The following RBFOX1 variants were observed in gnomAD, a reference collection of about 807,000 sequenced individuals.
RBFOX1 encodes the protein RNA binding protein fox-1 homolog 1.
RBFOX1 carries 8 observed loss-of-function variants against 57.7 expected under a neutral mutation model. That is an observed-to-expected ratio of 0.14 (90% CI 0.08 to 0.25). The LOEUF (loss-of-function observed/expected upper bound fraction) is 0.25. Among genes scored for constraint, RBFOX1 ranks in the 10% least tolerant of loss-of-function variants. The pLI is 1.00. For synonymous variants in RBFOX1, 326 were observed against 222.4 expected (o/e 1.47, Z -4.15); for missense variants, 611 against 548.5 (o/e 1.11, Z -1.14).
At chr16:7,305,828 T>C (rs2096169126) in intron 4 of RBFOX1, among the ~76,000 whole-genome samples, 4 of 152,226 alleles carry the variant, frequency 2.6e-5, no homozygotes, top group Admixed American at 2.0e-4. Flanking sequence ...ACGTTCATTA[T>C]TGAGTAAATC....
intron 4 of RBFOX1, among the ~76,000 whole-genome samples, chr16:7,313,014 T>C (rs1433074766): frequency 6.6e-6 from 1 of 152,074 alleles, no homozygotes; most frequent in Non-Finnish European, 1.5e-5. Context: ...TTTCATGCCC[T>C]GGATCTGTTG....
At chr16:6,271,879 C>A (rs1345456392) in intron 1 of RBFOX1, among the ~76,000 whole-genome samples, 1 of 152,040 alleles carries the variant, frequency 6.6e-6, no homozygotes, top group Non-Finnish European at 1.5e-5. Context: ...TAGAATGAAG[C>A]ATTAACACCA....
chr16:6,548,046 T>C lies in RBFOX1; in HGVS notation c.-63-106557T>C, dbSNP rs1020639539. On this transcript the variant is annotated intron_variant, in intron 2 of 15. Coordinates refer to ENST00000550418, the MANE Select transcript of RBFOX1 (RefSeq NM_018723.4). ...CTTATTGACAAGCTCAGACTATTCA[T>C]CGTAGTAAGAATTGCAGGACCTACT... Among the ~76,000 whole-genome samples the C allele has an allele frequency of 2.0e-5, 3 of 152,196 alleles. No individual in the cohort carries two copies. In the East Asian group the frequency reaches 5.8e-4, roughly 29 times the overall value.
intron 2 of RBFOX1, among the ~76,000 whole-genome samples, chr16:5,511,753 C>T (rs766321272): frequency 5.9e-5 from 9 of 152,176 alleles, no homozygotes; most frequent in Non-Finnish European, 1.0e-4. Context: ...AGCATTGAAC[C>T]TCCTATTCAC....
intron 3 of RBFOX1, among the ~76,000 whole-genome samples, chr16:6,906,240 C>CCCA (rs141742790): frequency 1.5e-5 from 1 of 67,038 alleles, no homozygotes. Flanking sequence ...CAATTTATTA[C>CCCA]CCCCCCCCAA....
chr16:5,533,178 G>A (rs2044555099), intron 2 of RBFOX1, among the ~76,000 whole-genome samples: 1 of 152,136 alleles, frequency 6.6e-6, no homozygotes, highest in Non-Finnish European at 1.5e-5. Context: ...TATTTAGAAG[G>A]TTTGTAAATA....
At chr16:6,430,513 G>T (rs368019916) in intron 2 of RBFOX1, among the ~76,000 whole-genome samples, 1 of 152,154 alleles carries the variant, frequency 6.6e-6, no homozygotes, top group East Asian at 1.9e-4. Context: ...AATTAGGAGA[G>T]AAGTGCGAAG....
At chr16:6,575,439 A>G (rs906532821) in intron 2 of RBFOX1, among the ~76,000 whole-genome samples, 1 of 152,228 alleles carries the variant, frequency 6.6e-6, no homozygotes, top group African/African-American at 2.4e-5. Context: ...ATTGATACAA[A>G]CAAGAGTTAA....
intron 5 of RBFOX1, among the ~76,000 whole-genome samples, chr16:7,578,895 G>A (rs193098016): frequency 6.6e-6 from 1 of 152,194 alleles, no homozygotes; most frequent in East Asian, 1.9e-4. Context: ...TGCCAAATAT[G>A]TGGGTGTCAA....
At chr16:6,756,186 T>C (rs774606390) in intron 3 of RBFOX1, among the ~76,000 whole-genome samples, 6 of 152,170 alleles carry the variant, frequency 3.9e-5, no homozygotes, top group Admixed American at 1.3e-4. Context: ...CATTTACCTA[T>C]AACTGGATTT....
chr16:7,029,065 TATATATATATATATATACACACACAC>T (rs1353491641), intron 3 of RBFOX1, among the ~76,000 whole-genome samples: 1 of 23,790 alleles, frequency 4.2e-5, no homozygotes, highest in East Asian at 1.3e-3. Flanking sequence ...TATATATATA[TATATATATATATATATACACACACAC>T]ACACACACAC....
intron 4 of RBFOX1, chr16:7,304,103 G>A: frequency 1.5e-6 from 1 of 653,978 alleles, no homozygotes; most frequent in Non-Finnish European, 1.9e-6. Flanking sequence ...GGAGGCAGAG[G>A]AACGCCGGGA....
intron 4 of RBFOX1, among the ~76,000 whole-genome samples, chr16:5,881,139 T>C (rs1355177023): frequency 6.6e-6 from 1 of 152,222 alleles, no homozygotes; most frequent in Non-Finnish European, 1.5e-5. Flanking sequence ...CACTGTGTTC[T>C]ATCTAGGAAC....
chr16:6,876,657 C>T (rs1490547687), intron 3 of RBFOX1, among the ~76,000 whole-genome samples: 14 of 152,012 alleles, frequency 9.2e-5, no homozygotes, highest in Admixed American at 8.5e-4. Context: ...ACATTTCTCA[C>T]CTAGGGTTCT....
intron 4 of RBFOX1, among the ~76,000 whole-genome samples, chr16:7,284,815 A>G (rs1036198847): frequency 6.6e-6 from 1 of 152,172 alleles, no homozygotes; most frequent in Non-Finnish European, 1.5e-5. Flanking sequence ...TCACTGGCTG[A>G]GTGTTAGAGC....
intron 1 of RBFOX1, among the ~76,000 whole-genome samples, chr16:5,447,321 C>T (rs1041683392): frequency 6.6e-6 from 1 of 151,976 alleles, no homozygotes; most frequent in African/African-American, 2.4e-5. Flanking sequence ...AAACCTATTA[C>T]TTACCTTCTC....
chr16:5,621,676 G>A (rs1393130907), intron 3 of RBFOX1, among the ~76,000 whole-genome samples: 5 of 152,168 alleles, frequency 3.3e-5, no homozygotes, highest in Non-Finnish European at 5.9e-5. Context: ...TTAGGAAGAC[G>A]AGGATATGGA....
intron 2 of RBFOX1, among the ~76,000 whole-genome samples, chr16:6,402,806 C>T (rs1264427078): frequency 6.6e-6 from 1 of 152,044 alleles, no homozygotes; most frequent in African/African-American, 2.4e-5. Context: ...AGACTGTAGC[C>T]AGTTGTGCCT....
intron 4 of RBFOX1, among the ~76,000 whole-genome samples, chr16:5,898,142 C>T (rs1200263317): frequency 6.6e-6 from 1 of 152,098 alleles, no homozygotes; most frequent in African/African-American, 2.4e-5. Context: ...AAGTGTCAAG[C>T]AAAAGCAGGA....
Sources: gnomAD v4.1 joint callset for allele counts (sites outside exome capture counted in the v4.1 genomes callset) on GRCh38, gnomAD v4.1.1 for gene constraint, MANE v1.5 for transcripts, NCBI Gene and HGNC (gene_info 2026-07-23, HGNC 2026-07-21) for gene names.